Variants in MTNR1B observed in about 807,000 individuals in gnomAD.
MTNR1B encodes the protein melatonin receptor 1B, also known as melatonin receptor type 1B.
In MTNR1B, 7 loss-of-function variants were observed where a neutral mutation model predicts 7.0. The observed-to-expected ratio is 1.00, with a 90% CI of 0.57 to 1.88. The LOEUF is 1.88. Ranked by LOEUF, MTNR1B falls within the 40% of genes most tolerant of loss-of-function variation. The probability of loss-of-function intolerance (pLI) is 0.00; values close to 1 mark genes in which losing one functional copy is unlikely to be tolerated. For synonymous variants in MTNR1B, 226 were observed against 208.2 expected (o/e 1.09, Z -0.74); for missense variants, 478 against 486.5 (o/e 0.98, Z 0.16).
At chr11:92,978,235 T>C (rs1858042677) in intron 1 of MTNR1B, among the ~76,000 whole-genome samples, 1 of 152,192 alleles carries the variant, frequency 6.6e-6, no homozygotes, top group Admixed American at 6.5e-5. Flanking sequence ...GGCTGGCTCT[T>C]TCCTAGATTA....
chr11:92,972,111 C>T (rs1857935988), intron 1 of MTNR1B, among the ~76,000 whole-genome samples: 1 of 152,230 alleles, frequency 6.6e-6, no homozygotes, highest in Admixed American at 6.5e-5. Context: ...TTAAAACCTA[C>T]AGCTCTTTGA....
chr11:92,984,402 C>T (rs1858165755), downstream of MTNR1B, among the ~76,000 whole-genome samples: 1 of 152,080 alleles, frequency 6.6e-6, no homozygotes, highest in South Asian at 2.1e-4. Flanking sequence ...GTAGTGTGCT[C>T]CACCCAGGGA....
chr11:92,975,096 G>A (rs981610739), intron 1 of MTNR1B, among the ~76,000 whole-genome samples: 8 of 152,216 alleles, frequency 5.3e-5, no homozygotes, highest in Non-Finnish European at 1.0e-4. Flanking sequence ...TTCTTGGTCT[G>A]GCCCGAGGTG....
chr11:92,984,382 G>A (rs1858165381), downstream of MTNR1B, among the ~76,000 whole-genome samples: 1 of 152,170 alleles, frequency 6.6e-6, no homozygotes, highest in African/African-American at 2.4e-5. Context: ...TAGTCCTGAT[G>A]ATGGCAATGG....
intron 1 of MTNR1B, among the ~76,000 whole-genome samples, chr11:92,974,516 T>G (rs1857981297): frequency 6.6e-6 from 1 of 152,098 alleles, no homozygotes; most frequent in Non-Finnish European, 1.5e-5. Flanking sequence ...CAGGCTGGAG[T>G]GCAATGGCAT....
intron 1 of MTNR1B, among the ~76,000 whole-genome samples, chr11:92,971,767 A>G (rs1056548440): frequency 6.6e-6 from 1 of 152,094 alleles, no homozygotes; most frequent in Non-Finnish European, 1.5e-5. Flanking sequence ...CCTGCATCCT[A>G]CAGAGGGCTG....
chr11:92,978,018 A>G (rs1346350763), intron 1 of MTNR1B, among the ~76,000 whole-genome samples: 1 of 152,232 alleles, frequency 6.6e-6, no homozygotes, highest in East Asian at 1.9e-4. Flanking sequence ...AGAACCTAGT[A>G]TATACTCAGC....
chr11:92,974,684 C>A (rs1027464856), intron 1 of MTNR1B, among the ~76,000 whole-genome samples: 1 of 151,834 alleles, frequency 6.6e-6, no homozygotes, highest in Admixed American at 6.5e-5. Context: ...TCACTGCAAG[C>A]TCCGCCCCCT....
At position 92,981,406 on chromosome 11, in the gene MTNR1B, G is replaced by A. The variant is rs368966877; in HGVS notation, c.224-41G>A. On this transcript the variant is annotated intron_variant, in intron 1 of 1. Coordinates refer to ENST00000257068, the MANE Select transcript of MTNR1B (RefSeq NM_005959.5). ...TAGGATGTTCTACAGAATCTAAGTCGTGGGGTCTCGTGCTGACTGTTGCTC... is the reference window on the plus strand; with the variant it reads ...TAGGATGTTCTACAGAATCTAAGTCATGGGGTCTCGTGCTGACTGTTGCTC... The A allele has an allele frequency of 3.4e-5, 53 of 1,578,942 alleles. 1 individual carries two copies. The Middle Eastern group carries it at 4.1e-3, about 121-fold the overall frequency.
chr11:92,981,535 C>T lies in MTNR1B; in HGVS notation c.312C>T (p.Asp104=), dbSNP rs139515067. ...YPLILVAIFY[D]GWALGEEHCK... The stretch of plus-strand genomic sequence containing the variant: ...TAATCCTCGTGGCCATCTTCTATGA[C>T]GGCTGGGCCCTGGGGGAGGAGCACT... The change falls in exon 2 of 2, where the codon GAC becomes GAT. Residue 104 remains aspartate (D), a synonymous_variant. Transcript: ENST00000257068. The T allele has an allele frequency of 8.1e-5, 130 of 1,614,052 alleles. No individual in the cohort carries two copies. The highest frequency in any genetic ancestry group is 1.6e-4 in the East Asian group (7 of 44,894).
Position 92,981,887 on chromosome 11 carries a change from C to A in MTNR1B, c.664C>A (p.Arg222Ser). Residue 222 changes from arginine (R) to serine (S), a missense_variant, in exon 2 of 2, where the codon CGC (arginine) becomes AGC (serine). Transcript: ENST00000257068. Reference protein sequence around the residue: ...PIAVVSFCYLRIWVLVLQARR... With the variant: ...PIAVVSFCYLSIWVLVLQARR... The stretch of plus-strand genomic sequence containing the variant: ...CGCTGTCGTGTCCTTCTGCTACCTG[C>A]GCATCTGGGTGCTGGTGCTTCAGGC... The A allele has an allele frequency of 3.7e-6, 6 of 1,614,182 alleles. No homozygotes were observed. The highest frequency in any genetic ancestry group is 4.5e-5 in the East Asian group (2 of 44,882).
intron 1 of MTNR1B, among the ~76,000 whole-genome samples, chr11:92,977,598 C>T (rs999178335): frequency 1.3e-5 from 2 of 152,200 alleles, no homozygotes; most frequent in Non-Finnish European, 2.9e-5. Flanking sequence ...AACCCCATAT[C>T]CTGCCATTGT....
At chr11:92,972,191 C>G (rs561119068) in intron 1 of MTNR1B, among the ~76,000 whole-genome samples, 3 of 152,184 alleles carry the variant, frequency 2.0e-5, no homozygotes, top group African/African-American at 7.2e-5. Context: ...ATTTAAGAAA[C>G]GCTTCTTCAG....
At chr11:92,970,128 C>G (rs1857901904) in intron 1 of MTNR1B, among the ~76,000 whole-genome samples, 180 bp downstream of exon 1, 1 of 152,170 alleles carries the variant, frequency 6.6e-6, no homozygotes, top group Non-Finnish European at 1.5e-5. Context: ...AGTTTTGCCC[C>G]TCCGAAGTGC....
rs912363282 is a variant in MTNR1B at position 92,969,775 on chromosome 11, C to T, written c.50C>T (p.Ala17Val). The part of the protein sequence containing the change: ...FANCCEAGGW[A>V]VRPGWSGAGS... ...AACTGCTGCGAGGCGGGCGGGTGGG[C>T]AGTGCGCCCGGGCTGGTCGGGGGCT... Residue 17 changes from alanine (A) to valine (V), a missense_variant, in exon 1 of 2, where the codon GCA becomes GTA. By Grantham distance (64) the Ala-to-Val change is moderately conservative (BLOSUM62 0). Coordinates refer to ENST00000257068, the MANE Select transcript of MTNR1B (RefSeq NM_005959.5). The T allele has an allele frequency of 6.5e-7, 1 of 1,533,464 alleles. No homozygotes were observed. Among genetic ancestry groups the T allele is most frequent in the South Asian group, 1.2e-5 (1 of 81,998 alleles). The allele number at this position is 1,533,464 out of a possible 1,614,324, so 95.0% of individuals were successfully genotyped here. A position where few individuals can be genotyped will look rare whatever the true frequency, so the allele number is the denominator to read the frequency against.
At chr11:92,982,936 A>ACCC (rs71473980), downstream of MTNR1B, among the ~76,000 whole-genome samples, 66 of 49,146 alleles carry the variant, frequency 1.3e-3, 3 homozygotes, top group East Asian at 6.3e-3. Context: ...AACACACTGC[A>ACCC]CCCCCCCCCC....
chr11:92,977,858 A>G (rs1479179543), intron 1 of MTNR1B, among the ~76,000 whole-genome samples: 3 of 152,254 alleles, frequency 2.0e-5, no homozygotes, highest in African/African-American at 7.2e-5. Context: ...AGGCACAGAA[A>G]GTTTAACACT....
chr11:92,982,673 T>G lies in MTNR1B; in HGVS notation c.*361T>G. ...TGGCCTCCTGGCTGCTTTCTCCCCT[T>G]CCCCCCAGCGTGGCAGGATCTCTTC... On this transcript the variant is annotated 3_prime_UTR_variant, in exon 2 of 2. Coordinates refer to ENST00000257068, the MANE Select transcript of MTNR1B (RefSeq NM_005959.5). 3.7e-6 allele frequency: 1 copy of G among 272,920 alleles called. No individual in the cohort carries two copies. The highest frequency in any genetic ancestry group is 7.4e-5 in the East Asian group (1 of 13,562). The allele number at this position is 272,920 out of a possible 1,614,324, so 16.9% of individuals were successfully genotyped here. A position where few individuals can be genotyped will look rare whatever the true frequency, so the allele number is the denominator to read the frequency against.
At chr11:92,974,287 G>GA (rs1160238914) in intron 1 of MTNR1B, among the ~76,000 whole-genome samples, 51 of 152,186 alleles carry the variant, frequency 3.4e-4, no homozygotes, top group East Asian at 3.9e-4. Flanking sequence ...AGATCTGATG[G>GA]AAAAAGAGAA....
Sources: gnomAD v4.1 joint callset for allele counts (sites outside exome capture counted in the v4.1 genomes callset) on GRCh38, gnomAD v4.1.1 for gene constraint, MANE v1.5 for transcripts, NCBI Gene and HGNC (gene_info 2026-07-23, HGNC 2026-07-21) for gene names.